Variants in ADGRD1 observed in about 807,000 individuals in gnomAD.
The protein encoded by ADGRD1 is G-protein coupled receptor 133.
A neutral mutation model predicts 113.4 loss-of-function variants in ADGRD1; 77 were observed. The observed-to-expected ratio is 0.68, with a 90% CI of 0.57 to 0.82. The LOEUF is 0.82. Among genes scored for constraint, ADGRD1 ranks in the 40% least tolerant of loss-of-function variants. The pLI is 0.00. For missense variants in ADGRD1, 1,036 were observed against 1,139.1 expected (o/e 0.91, Z 1.30); for synonymous variants, 474 against 475.0 (o/e 1.00, Z 0.03).
chr12:130,995,920 T>C (rs1232902178), intron 8 of ADGRD1, among the ~76,000 whole-genome samples: 1 of 152,180 alleles, frequency 6.6e-6, no homozygotes, highest in Non-Finnish European at 1.5e-5. Context: ...CAGAGGACCC[T>C]GCGGCCTTCC....
intron 17 of ADGRD1, among the ~76,000 whole-genome samples, chr12:131,108,137 C>T (rs1417597048): frequency 3.3e-5 from 5 of 152,224 alleles, no homozygotes; most frequent in Non-Finnish European, 7.3e-5. Context: ...CTTTCTGTCC[C>T]TGAGCCCTAT....
chr12:131,105,853 C>T lies in ADGRD1; in HGVS notation c.1875C>T (p.Leu625=), dbSNP rs771181899. The change falls in exon 17 of 25, where the codon CTC becomes CTT. Residue 625 remains leucine, a synonymous_variant. Transcript: ENST00000261654. The stretch of plus-strand genomic sequence containing the variant: ...TCCTGCTGCTCATTAGTTTCCGCCT[C>T]GAGCCGGGCACGGTGAGTGGGCGCA... The part of the protein sequence containing the change: ...AQVLLLISFR[L]EPGTTPCQVM... 1.4e-5 allele frequency: 23 copies of T among 1,598,110 alleles called. No individual in the cohort carries two copies. Among genetic ancestry groups the T allele is most frequent in the East Asian group, 2.2e-5 (1 of 44,832 alleles).
intron 11 of ADGRD1, among the ~76,000 whole-genome samples, chr12:131,005,097 G>A (rs939449226): frequency 1.3e-5 from 2 of 152,178 alleles, no homozygotes; most frequent in African/African-American, 2.4e-5. Context: ...TCTCTGCAGT[G>A]GGGAGCCTGT....
At position 131,131,762 on chromosome 12, in the gene ADGRD1, T is replaced by C; in HGVS notation, c.2213T>C (p.Ile738Thr). 6.2e-7 allele frequency: 1 copy of C among 1,611,726 alleles called. No individual in the cohort carries two copies. Among genetic ancestry groups the C allele is most frequent in the Non-Finnish European group, 8.5e-7 (1 of 1,179,096 alleles). ...IGILIAVTRV[I>T]SQISADNYKI... ...ATCCTCATCGCTGTGACCAGAGTCA[T>C]CTCACAGATCAGCGCCGACAACTAC... The change falls in exon 21 of 25, where the codon ATC (isoleucine) becomes ACC (threonine). Residue 738 changes from isoleucine (I) to threonine (T), a missense_variant. Transcript: ENST00000261654.
At chr12:131,131,596 T>C (rs1195939) in intron 20 of ADGRD1, 129 bp from the exon 21 acceptor site, 607,148 of 640,238 alleles carry the variant, frequency 0.95, 288,094 homozygotes, top group East Asian at 0.99. Flanking sequence ...GTCCCAGTGA[T>C]GCCCCTGTGT....
rs1258116909 is a variant in ADGRD1 at position 131,096,595 on chromosome 12, G to A, written c.1672-8236G>A. 6.6e-6 allele frequency among the ~76,000 whole-genome samples: 1 copy of A among 152,162 alleles called. No individual in the cohort carries two copies. Among genetic ancestry groups the A allele is most frequent in the Non-Finnish European group, 1.5e-5 (1 of 68,032 alleles). ...ATGCACACATCCCGCCTCCATCTGT[G>A]AGGATGGGTTCCCGTGGGGCACTGC... On this transcript the variant is annotated intron_variant, in intron 15 of 24. Transcript: ENST00000261654. This position sits in a 1 kb window ranked among gnomAD's most constrained non-coding sequence, Gnocchi z 5.2.
intron 13 of ADGRD1, among the ~76,000 whole-genome samples, chr12:131,073,793 G>A (rs1214206930): frequency 2.0e-5 from 3 of 152,318 alleles, no homozygotes; most frequent in African/African-American, 7.2e-5. Flanking sequence ...CTGCAAGAGC[G>A]AGTCGAGCTT....
In ADGRD1 at chr12:131,122,313, G is replaced by T. The variant is rs181245093; in HGVS notation, c.2175+1400G>T. ...TCCCTCACAGCGTCTACAGAGCTCC[G>T]AGCAGGGCTGGTTTTTCTTTCAGTG... On this transcript the variant is annotated intron_variant, in intron 20 of 24. Coordinates refer to ENST00000261654, the MANE Select transcript of ADGRD1 (RefSeq NM_198827.5). Among the ~76,000 whole-genome samples, 13 of 152,238 alleles carry T rather than the reference G, an allele frequency of 8.5e-5. No individual in the cohort carries two copies. The East Asian group carries it at 2.5e-3, about 30-fold the overall frequency.
intron 15 of ADGRD1, among the ~76,000 whole-genome samples, chr12:131,085,434 G>A (rs1027534769): frequency 6.6e-6 from 1 of 152,162 alleles, no homozygotes; most frequent in African/African-American, 2.4e-5. Flanking sequence ...AGGCAGGGAG[G>A]AGCAGGCTCG....
At chr12:131,002,652 CA>C (rs1233187305) in intron 9 of ADGRD1, 2 of 1,129,336 alleles carry the variant, frequency 1.8e-6, no homozygotes, top group Non-Finnish European at 2.2e-6. Context: ...CTCTGGAACT[CA>C]GAAAGGAAAG....
intron 2 of ADGRD1, chr12:130,962,578 T>C (rs1236752533): frequency 1.3e-5 from 2 of 152,204 alleles, no homozygotes; most frequent in Non-Finnish European, 2.9e-5. Context: ...AAAAGCACAG[T>C]GGGAATGAAA....
intron 7 of ADGRD1, 39 bp downstream of exon 7, chr12:130,991,117 T>A (rs1874327455): frequency 6.5e-7 from 1 of 1,547,456 alleles, no homozygotes; most frequent in African/African-American, 1.4e-5. Flanking sequence ...CTTGCTGATG[T>A]TCTTCTGCTT....
intron 6 of ADGRD1, chr12:130,989,346 C>T (rs1243573183): frequency 2.0e-5 from 3 of 152,256 alleles, no homozygotes; most frequent in Non-Finnish European, 4.4e-5. Context: ...AGCAAACCCT[C>T]ATCGCCAGAA....
At position 131,034,299 on chromosome 12, in the gene ADGRD1, G is replaced by A. The variant is rs879163605; in HGVS notation, c.1473+19959G>A. ...CATTCCCACCCCAGGGCCTTTGCAC[G>A]CCTGTCCTTTTGAATGGAATGCTCT... On this transcript the variant is annotated intron_variant, in intron 13 of 24. Transcript: ENST00000261654. Among the ~76,000 whole-genome samples the A allele has an allele frequency of 7.9e-5, 12 of 152,234 alleles. 1 individual carries two copies. The South Asian group carries it at 1.2e-3, about 16-fold the overall frequency.
chr12:131,037,720 G>T (rs1881663996), intron 13 of ADGRD1, among the ~76,000 whole-genome samples: 1 of 23,346 alleles, frequency 4.3e-5, no homozygotes, highest in Admixed American at 3.4e-4. Context: ...ACTACACCAG[G>T]TCTCAGTCAC....
At chr12:131,108,177 G>A (rs1351655270) in intron 17 of ADGRD1, among the ~76,000 whole-genome samples, 3 of 152,254 alleles carry the variant, frequency 2.0e-5, no homozygotes, top group African/African-American at 4.8e-5. Context: ...CAGCATGGTC[G>A]CCTGAGCCCC....
intron 11 of ADGRD1, 77 bp downstream of exon 11, chr12:131,004,373 G>A (rs1593339000): frequency 8.9e-7 from 1 of 1,118,430 alleles, no homozygotes. Flanking sequence ...GCTTTGCTGG[G>A]TGCCCACCGC....
At chr12:131,049,900 G>A (rs1046578181) in intron 13 of ADGRD1, among the ~76,000 whole-genome samples, 3 of 152,220 alleles carry the variant, frequency 2.0e-5, no homozygotes, top group Non-Finnish European at 4.4e-5. Context: ...GGCGTCGGGG[G>A]AGACACAGCA....
intron 13 of ADGRD1, among the ~76,000 whole-genome samples, chr12:131,063,545 C>CT (rs1353094357): frequency 6.6e-6 from 1 of 152,124 alleles, no homozygotes; most frequent in Non-Finnish European, 1.5e-5. Flanking sequence ...CATTGAATTG[C>CT]TGTTGTTTCT....
Sources: allele counts gnomAD v4.1 joint callset (sites outside exome capture counted in the v4.1 genomes callset), GRCh38; gene constraint gnomAD v4.1.1; non-coding constraint Gnocchi (gnomAD v3.1); transcripts MANE v1.5; gene names NCBI Gene and HGNC (gene_info 2026-07-23, HGNC 2026-07-21).